Variants in GPC3 observed in about 807,000 individuals in gnomAD.
GPC3 encodes the protein glypican-3.
GPC3 carries 3 observed loss-of-function variants against 34.4 expected under a neutral mutation model. The observed-to-expected ratio is 0.09, with a 90% confidence interval of 0.04 to 0.23. The LOEUF (loss-of-function observed/expected upper bound fraction) is 0.23. Among genes scored for constraint, GPC3 ranks in the 10% least tolerant of loss-of-function variants. The pLI is 1.00. For missense variants in GPC3, 351 were observed against 445.6 expected (o/e 0.79, Z 1.91); for synonymous variants, 177 against 174.0 (o/e 1.02, Z -0.13).
chrX:133,810,669 G>A (rs1402055027), intron 2 of GPC3, among the ~76,000 whole-genome samples: 1 of 109,895 alleles, frequency 9.1e-6, no homozygotes, highest in African/African-American at 3.3e-5. Flanking sequence ...ACTTTGGGAG[G>A]CCGAGGCGGG....
chrX:133,859,141 C>T (rs1341898273), intron 2 of GPC3, among the ~76,000 whole-genome samples: 6 of 110,006 alleles, frequency 5.5e-5, no homozygotes, highest in Non-Finnish European at 9.5e-5. Context: ...TTTAGCAAAC[C>T]CTATATATTA....
intron 7 of GPC3, among the ~76,000 whole-genome samples, chrX:133,545,373 G>A (rs938232256): frequency 9.0e-6 from 1 of 111,648 alleles, no homozygotes; most frequent in African/African-American, 3.3e-5. Flanking sequence ...AACCAGATGT[G>A]GCCATGGTGC....
At chrX:133,916,052 G>A (rs1462559675) in intron 2 of GPC3, among the ~76,000 whole-genome samples, 6 of 108,624 alleles carry the variant, frequency 5.5e-5, no homozygotes, top group Admixed American at 9.8e-5. Flanking sequence ...GGCTGAGGCA[G>A]GAGAATCGAT....
intron 2 of GPC3, among the ~76,000 whole-genome samples, chrX:133,849,084 C>CTTTTT (rs60339728): frequency 1.7e-4 from 8 of 46,273 alleles, no homozygotes; most frequent in East Asian, 7.9e-4. Context: ...ACTAAAGTTT[C>CTTTTT]TTTTTTTTTT....
At chrX:133,871,547 C>G (rs2075993944) in intron 2 of GPC3, among the ~76,000 whole-genome samples, 1 of 111,869 alleles carries the variant, frequency 8.9e-6, no homozygotes. Flanking sequence ...ACAAATGATG[C>G]TAGACAGATA....
At chrX:133,634,032 T>G (rs1476814294) in intron 6 of GPC3, among the ~76,000 whole-genome samples, 1 of 112,183 alleles carries the variant, frequency 8.9e-6, no homozygotes, top group Non-Finnish European at 1.9e-5. Context: ...TGAATAGATA[T>G]TTCATGAAAG....
chrX:133,622,320 A>G (rs1034302067), intron 6 of GPC3, among the ~76,000 whole-genome samples: 1 of 112,442 alleles, frequency 8.9e-6, no homozygotes, highest in Non-Finnish European at 1.9e-5. Flanking sequence ...TGACGATTTG[A>G]GAGAAGAAGG....
At chrX:133,929,442 T>C (rs759081847) in intron 2 of GPC3, among the ~76,000 whole-genome samples, 1 of 112,083 alleles carries the variant, frequency 8.9e-6, no homozygotes, top group South Asian at 3.8e-4. Context: ...ACCCCTACCC[T>C]TTCACCCAGC....
chrX:133,541,937 G>A (rs898351744), intron 7 of GPC3, among the ~76,000 whole-genome samples: 1 of 111,688 alleles, frequency 9.0e-6, no homozygotes, highest in Non-Finnish European at 1.9e-5. Context: ...GTAAATCAAA[G>A]TGTTGAACTG....
At chrX:133,796,150 T>C (rs1004156310) in intron 2 of GPC3, among the ~76,000 whole-genome samples, 3 of 110,031 alleles carry the variant, frequency 2.7e-5, no homozygotes, top group African/African-American at 9.9e-5. Flanking sequence ...TTTCACCGTG[T>C]TAGCCAGGAT....
At chrX:133,919,110 C>T (rs2076236635) in intron 2 of GPC3, among the ~76,000 whole-genome samples, 1 of 111,627 alleles carries the variant, frequency 9.0e-6, no homozygotes, top group Non-Finnish European at 1.9e-5. Context: ...TTCCCACCAC[C>T]AAGAACATTC....
chrX:133,632,924 G>A (rs753690369), intron 6 of GPC3, among the ~76,000 whole-genome samples: 1 of 110,947 alleles, frequency 9.0e-6, no homozygotes, highest in East Asian at 2.8e-4. Context: ...AGTATGTGAG[G>A]CAGTATGTGA....
At chrX:133,710,419 C>T (rs758711319) in intron 3 of GPC3, among the ~76,000 whole-genome samples, 5 of 111,899 alleles carry the variant, frequency 4.5e-5, no homozygotes, top group African/African-American at 6.5e-5. Context: ...GAAGATCAAG[C>T]GAAACAATGG....
At chrX:133,847,808 G>A (rs1186919689) in intron 2 of GPC3, among the ~76,000 whole-genome samples, 4 of 111,963 alleles carry the variant, frequency 3.6e-5, no homozygotes, top group African/African-American at 1.3e-4. Flanking sequence ...TCTGGTTCCT[G>A]TTTCTATTAA....
rs760427156 is a variant in GPC3 at position 133,546,398 on chromosome X, TA to T, written c.1574-10106del. ...AAGAAGGATGTGGAATAGCCAAGAT[TA>T]AAAAAAAAAAACTTAAAAAAAAACC... On this transcript the variant is annotated intron_variant, in intron 7 of 7. Transcript: ENST00000370818. Among the ~76,000 whole-genome samples, 133 of 98,282 alleles carry T rather than the reference TA, an allele frequency of 1.4e-3. No homozygotes were observed. The South Asian group carries it at 0.024, about 18-fold the overall frequency. 85.3% of individuals were successfully genotyped at this position (98,282 alleles called of 115,157 possible).
chrX:133,921,320 C>T (rs1450146568), intron 2 of GPC3, among the ~76,000 whole-genome samples: 1 of 111,365 alleles, frequency 9.0e-6, no homozygotes, highest in Non-Finnish European at 1.9e-5. Flanking sequence ...CAAGGCAGCA[C>T]CGGTAGCCAC....
intron 2 of GPC3, among the ~76,000 whole-genome samples, chrX:133,874,459 C>T (rs1036529725): frequency 8.9e-6 from 1 of 111,799 alleles, no homozygotes; most frequent in African/African-American, 3.2e-5. Context: ...CACAACCATC[C>T]TACTTTTCCT....
At chrX:133,961,737 G>T (rs914427509) in intron 1 of GPC3, among the ~76,000 whole-genome samples, 2 of 111,507 alleles carry the variant, frequency 1.8e-5, no homozygotes, top group Non-Finnish European at 1.9e-5. Flanking sequence ...ACTCATTCTG[G>T]ATACTTCACT....
intron 6 of GPC3, among the ~76,000 whole-genome samples, chrX:133,603,268 G>A (rs1300580608): frequency 9.1e-6 from 1 of 109,699 alleles, no homozygotes; most frequent in Non-Finnish European, 1.9e-5. Flanking sequence ...TCACTATGTT[G>A]CCTAGGCTGG....
Sources: allele counts gnomAD v4.1 joint callset (sites outside exome capture counted in the v4.1 genomes callset), GRCh38; gene constraint gnomAD v4.1.1; transcripts MANE v1.5; gene names NCBI Gene and HGNC (gene_info 2026-07-23, HGNC 2026-07-21).